The following LPP variants were observed in gnomAD, a reference collection of about 807,000 sequenced individuals.
LPP encodes the protein LIM domain containing preferred translocation partner in lipoma.
LPP carries 38 observed loss-of-function variants against 60.4 expected under a neutral mutation model. The observed-to-expected ratio is 0.63, with a 90% CI of 0.49 to 0.83. The LOEUF (loss-of-function observed/expected upper bound fraction) is 0.83, where lower values mean the gene tolerates loss of function less well. Among genes scored for constraint, LPP ranks in the 40% least tolerant of loss-of-function variants. The probability of loss-of-function intolerance (pLI) is 0.00; values close to 1 mark genes in which losing one functional copy is unlikely to be tolerated. For missense variants in LPP, 902 were observed against 783.6 expected, an observed-to-expected ratio of 1.15 and a Z score of -1.80; for synonymous variants, 328 against 290.8, an observed-to-expected ratio of 1.13 and a Z score of -1.30.
At chr3:188,584,614 AT>A (rs1159640163) in intron 6 of LPP, 1 of 149,780 alleles carries the variant, frequency 6.7e-6, no homozygotes, top group African/African-American at 2.5e-5. Context: ...ATCTCAAGCC[AT>A]TTTCTATTTA....
At chr3:188,796,254 TGCA>T (rs1745307772) in intron 9 of LPP, among the ~76,000 whole-genome samples, 1 of 152,114 alleles carries the variant, frequency 6.6e-6, no homozygotes, top group South Asian at 2.1e-4. Flanking sequence ...CTCCAGACAG[TGCA>T]GCACGCTGAT....
intron 7 of LPP, among the ~76,000 whole-genome samples, chr3:188,636,495 G>A (rs1848806620): frequency 6.6e-6 from 1 of 152,194 alleles, no homozygotes; most frequent in African/African-American, 2.4e-5. Context: ...GCCCACCATT[G>A]CCCAGACTTG....
chr3:188,640,576 C>T (rs1490543891), intron 7 of LPP, among the ~76,000 whole-genome samples: 1 of 151,074 alleles, frequency 6.6e-6, no homozygotes, highest in Non-Finnish European at 1.5e-5. Context: ...ACAGATCCCT[C>T]ATGGTATCCC....
At chr3:188,799,705 G>A (rs1307637692) in intron 9 of LPP, among the ~76,000 whole-genome samples, 2 of 152,048 alleles carry the variant, frequency 1.3e-5, no homozygotes, top group African/African-American at 4.8e-5. Context: ...TACGTAAGTG[G>A]GGTTCAGAAT....
At chr3:188,406,481 C>G (rs375952657) in intron 4 of LPP, among the ~76,000 whole-genome samples, 168 bp downstream of exon 4, 5 of 152,170 alleles carry the variant, frequency 3.3e-5, no homozygotes, top group Admixed American at 6.5e-5. Context: ...AGACCAACCC[C>G]GTCTTTTAGG....
chr3:188,716,253 G>A (rs1261001324), intron 8 of LPP, among the ~76,000 whole-genome samples: 2 of 152,226 alleles, frequency 1.3e-5, no homozygotes, highest in African/African-American at 4.8e-5. Context: ...AGGCAGCAGG[G>A]ACCTAGCACA....
chr3:188,664,925 A>G (rs1033562842), intron 7 of LPP, among the ~76,000 whole-genome samples: 2 of 152,134 alleles, frequency 1.3e-5, no homozygotes, highest in Non-Finnish European at 2.9e-5. Context: ...TGGCCTGTAC[A>G]TGGCAGGACC....
intron 4 of LPP, among the ~76,000 whole-genome samples, chr3:188,407,788 G>GTTTTTTTT (rs869082030): frequency 2.0e-4 from 22 of 107,608 alleles, no homozygotes; most frequent in African/African-American, 7.1e-4. Context: ...TTGTTTGTTT[G>GTTTTTTTT]TTTTTTTTTT....
chr3:188,418,953 G>C (rs1434946874), intron 4 of LPP, among the ~76,000 whole-genome samples: 1 of 152,018 alleles, frequency 6.6e-6, no homozygotes, highest in Non-Finnish European at 1.5e-5. Flanking sequence ...TATAGAAATG[G>C]CATTTTAATT....
At chr3:188,332,815 C>A (rs999039405) in intron 2 of LPP, among the ~76,000 whole-genome samples, 1 of 152,064 alleles carries the variant, frequency 6.6e-6, no homozygotes, top group African/African-American at 2.4e-5. Flanking sequence ...AAGGTAAGAC[C>A]CATATTAGGG....
At position 188,193,668 on chromosome 3, in the gene LPP, G is replaced by A. The variant is rs144986111; in HGVS notation, c.-189-31737G>A. On this transcript the variant is annotated intron_variant, in intron 1 of 11. Coordinates refer to ENST00000617246, the MANE Select transcript of LPP (RefSeq NM_001375462.1). ...CACATGTGTGGTCTGGTGGACACTAGTTTTGATGACTGCTTTGCCATAAGA... is the reference window on the plus strand; with the variant it reads ...CACATGTGTGGTCTGGTGGACACTAATTTTGATGACTGCTTTGCCATAAGA... Among the ~76,000 whole-genome samples the A allele has an allele frequency of 1.0e-3, 159 of 152,278 alleles. 1 individual carries two copies. The highest frequency in any genetic ancestry group is 3.5e-3 in the African/African-American group (146 of 41,558).
chr3:188,193,659 T>G (rs996469754), intron 1 of LPP, among the ~76,000 whole-genome samples: 2 of 152,194 alleles, frequency 1.3e-5, no homozygotes, highest in Non-Finnish European at 2.9e-5. Context: ...TGTGGTCTGG[T>G]GGACACTAGT....
chr3:188,369,955 GTC>G (rs1183505122), intron 3 of LPP, among the ~76,000 whole-genome samples: 4 of 152,176 alleles, frequency 2.6e-5, no homozygotes, highest in African/African-American at 9.7e-5. Context: ...CTGAGACAGA[GTC>G]TCTCTCTGTT....
chr3:188,806,589 G>T (rs1044161470), intron 9 of LPP, among the ~76,000 whole-genome samples: 3 of 151,722 alleles, frequency 2.0e-5, no homozygotes, highest in Non-Finnish European at 3.0e-5. Flanking sequence ...ATCAGCTTTT[G>T]TTACTTTTCC....
Position 188,818,235 on chromosome 3 carries a change from T to C in LPP, c.1411-47965T>C, listed in dbSNP as rs563257646. Among the ~76,000 whole-genome samples, 210 of 151,862 alleles carry C rather than the reference T, an allele frequency of 1.4e-3. 3 individuals are homozygous for C. The highest frequency in any genetic ancestry group is 0.012 in the Admixed American group (188 of 15,274). ...TTTCATAACTTCTAATTAATCCTCC[T>C]TTTTTTCCCCCAGTACAGCTAATAT... On this transcript the variant is annotated intron_variant, in intron 9 of 11. Coordinates refer to ENST00000617246, the MANE Select transcript of LPP (RefSeq NM_001375462.1).
chr3:188,373,624 T>G (rs1469297401), intron 3 of LPP, among the ~76,000 whole-genome samples: 2 of 151,934 alleles, frequency 1.3e-5, no homozygotes, highest in Non-Finnish European at 2.9e-5. Flanking sequence ...GTCAGATGAG[T>G]AGGTTGCAAA....
At chr3:188,639,415 A>G (rs1242476351) in intron 7 of LPP, among the ~76,000 whole-genome samples, 2 of 151,768 alleles carry the variant, frequency 1.3e-5, no homozygotes, top group Non-Finnish European at 2.9e-5. Flanking sequence ...TAAAAACCCT[A>G]GAAGAAAACC....
chr3:188,837,421 A>AATAATCATC (rs1485239539), intron 9 of LPP, among the ~76,000 whole-genome samples: 7 of 141,720 alleles, frequency 4.9e-5, no homozygotes, highest in African/African-American at 1.6e-4. Flanking sequence ...TAATAATAAT[A>AATAATCATC]ATCTGTGCTT....
At chr3:188,266,700 G>A (rs1037142574) in intron 2 of LPP, among the ~76,000 whole-genome samples, 3 of 152,048 alleles carry the variant, frequency 2.0e-5, no homozygotes, top group Non-Finnish European at 4.4e-5. Context: ...TTTTAAACCC[G>A]GGTTTATGTC....
Sources: allele counts gnomAD v4.1 joint callset (sites outside exome capture counted in the v4.1 genomes callset), GRCh38; gene constraint gnomAD v4.1.1; transcripts MANE v1.5; gene names NCBI Gene and HGNC (gene_info 2026-07-23, HGNC 2026-07-21).